Variants in CDIP1 observed in about 807,000 individuals in gnomAD.
CDIP1 encodes the protein cell death inducing p53 target 1, also known as cell death-inducing p53-target protein 1.
Under a neutral mutation model 17.7 loss-of-function variants are expected in CDIP1, and 9 were observed. The ratio of observed to expected loss-of-function variants is 0.51; its 90% CI spans 0.31 to 0.89. The LOEUF (loss-of-function observed/expected upper bound fraction) is 0.89, where lower values mean the gene tolerates loss of function less well. CDIP1 is among the 40% of genes least tolerant of loss of function. The pLI is 0.05. For synonymous variants in CDIP1, 117 were observed against 109.5 expected (o/e 1.07, Z -0.43); for missense variants, 263 against 277.9 (o/e 0.95, Z 0.38).
At chr16:4,534,632 A>G (rs772796628) in intron 1 of CDIP1, among the ~76,000 whole-genome samples, 15 of 150,664 alleles carry the variant, frequency 1.0e-4, no homozygotes, top group African/African-American at 3.2e-4. Flanking sequence ...AGGGCGGTAC[A>G]CTGCAAAGAA....
chr16:4,532,582 C>T (rs1225165536), intron 1 of CDIP1: 1 of 152,242 alleles, frequency 6.6e-6, no homozygotes, highest in East Asian at 1.9e-4. Flanking sequence ...CTTGGGAAAT[C>T]ATTTCGCCCC....
chr16:4,520,275 T>C (rs2058931768), intron 1 of CDIP1, among the ~76,000 whole-genome samples: 1 of 152,054 alleles, frequency 6.6e-6, no homozygotes, highest in South Asian at 2.1e-4. Context: ...CATCTAATTT[T>C]TGTATTTTTA....
chr16:4,525,028 G>T (rs2058985888), intron 1 of CDIP1, among the ~76,000 whole-genome samples: 1 of 152,048 alleles, frequency 6.6e-6, no homozygotes, highest in Non-Finnish European at 1.5e-5. Flanking sequence ...TCTAGCCCAG[G>T]GATTCTAGGC....
intron 1 of CDIP1, chr16:4,536,699 G>A (rs1276538346): frequency 6.6e-6 from 1 of 151,332 alleles, no homozygotes; most frequent in African/African-American, 2.4e-5. Flanking sequence ...CACTTTGGGA[G>A]GGTGAGGCAA....
intron 1 of CDIP1, among the ~76,000 whole-genome samples, chr16:4,521,960 T>C (rs754228209): frequency 6.6e-6 from 1 of 152,220 alleles, no homozygotes; most frequent in Admixed American, 6.5e-5. Flanking sequence ...TTATGCTTTA[T>C]TAGGCAACTT....
intron 1 of CDIP1, among the ~76,000 whole-genome samples, chr16:4,521,628 C>T (rs1002504501): frequency 4.7e-5 from 7 of 149,980 alleles, no homozygotes; most frequent in African/African-American, 1.5e-4. Flanking sequence ...TCGGGGAGGC[C>T]GAGACGGGAG....
At chr16:4,529,403 C>T (rs1376040661) in intron 1 of CDIP1, among the ~76,000 whole-genome samples, 1 of 152,212 alleles carries the variant, frequency 6.6e-6, no homozygotes, top group Non-Finnish European at 1.5e-5. Flanking sequence ...TCCCAACTCG[C>T]CCAGTGATCT....
intron 1 of CDIP1, among the ~76,000 whole-genome samples, chr16:4,535,034 T>C (rs902371347): frequency 1.3e-5 from 2 of 152,164 alleles, no homozygotes. Flanking sequence ...TTAATCAGAA[T>C]TGTGACAACC....
At chr16:4,529,967 G>A (rs1029836711) in intron 1 of CDIP1, among the ~76,000 whole-genome samples, 1 of 152,242 alleles carries the variant, frequency 6.6e-6, no homozygotes, top group African/African-American at 2.4e-5. Flanking sequence ...GTGGGTCGGG[G>A]TGGGATGTGG....
intron 1 of CDIP1, among the ~76,000 whole-genome samples, chr16:4,522,822 C>G (rs183769062): frequency 7.9e-5 from 12 of 152,214 alleles, no homozygotes; most frequent in African/African-American, 2.9e-4. Context: ...GAATCCCCAC[C>G]AAGGGTGCAG....
intron 1 of CDIP1, chr16:4,532,742 G>A (rs1270764926): frequency 6.6e-6 from 1 of 152,170 alleles, no homozygotes; most frequent in Admixed American, 6.6e-5. Context: ...AATTTTACTG[G>A]GGCCACAGAG....
intron 1 of CDIP1, among the ~76,000 whole-genome samples, chr16:4,520,126 T>A (rs914187076): frequency 1.3e-5 from 2 of 151,916 alleles, no homozygotes; most frequent in Non-Finnish European, 2.9e-5. Context: ...GGTTTTTTTT[T>A]TTTTTAGACA....
Position 4,538,752 on chromosome 16 carries a change from G to A in CDIP1, c.-155C>T, listed in dbSNP as rs1303120970. Reference sequence around the variant, plus strand: ...CCGCAACAGCAGGACCGAACGCCTCGGCAGCTGGCAGTCGCACTTCTGTCA... The same window carrying A: ...CCGCAACAGCAGGACCGAACGCCTCAGCAGCTGGCAGTCGCACTTCTGTCA... On this transcript the variant is annotated 5_prime_UTR_variant, in exon 1 of 6. Coordinates refer to ENST00000567695, the MANE Select transcript of CDIP1 (RefSeq NM_013399.3). The A allele has an allele frequency of 6.6e-6, 1 of 152,230 alleles. No individual in the cohort carries two copies. The highest frequency in any genetic ancestry group is 1.9e-4 in the East Asian group (1 of 5,190). 9.4% of individuals were successfully genotyped at this position (152,230 alleles called of 1,614,324 possible). A position where few individuals can be genotyped will look rare whatever the true frequency, so the allele number is the denominator to read the frequency against.
At position 4,513,120 on chromosome 16, in the gene CDIP1, A is replaced by G. The variant is rs1388419967; in HGVS notation, c.242-56T>C. ...GTCACTGGCCTGCCACCTGCACCAGACAAAGAGATTGGCGCAAAGCCCCAC... is the reference window on the plus strand; with the variant it reads ...GTCACTGGCCTGCCACCTGCACCAGGCAAAGAGATTGGCGCAAAGCCCCAC... On this transcript the variant is annotated intron_variant, in intron 4 of 5. Coordinates refer to ENST00000567695, the MANE Select transcript of CDIP1 (RefSeq NM_013399.3). This position sits in a 1 kb window ranked among gnomAD's most constrained non-coding sequence, Gnocchi z 4.1. 1.3e-6 allele frequency: 2 copies of G among 1,486,120 alleles called. No homozygotes were observed. Among genetic ancestry groups the G allele is most frequent in the Non-Finnish European group, 1.8e-6 (2 of 1,118,694 alleles). The allele number at this position is 1,486,120 out of a possible 1,614,324, so 92.1% of individuals were successfully genotyped here.
Position 4,512,089 on chromosome 16 carries a change from G to C in CDIP1, c.*483C>G, listed in dbSNP as rs1195892614. On this transcript the variant is annotated 3_prime_UTR_variant, in exon 6 of 6. Coordinates refer to ENST00000567695, the MANE Select transcript of CDIP1 (RefSeq NM_013399.3). The surrounding 1 kb of genome is among the most constrained non-coding windows in gnomAD (Gnocchi z 4.6). ...GTACCCAGAAACAAACCCAGGCTTT[G>C]TGACCCTGTCCTACGTGGGCCCACC... 6.1e-6 allele frequency: 1 copy of C among 165,142 alleles called. No individual in the cohort carries two copies. Among genetic ancestry groups the C allele is most frequent in the Non-Finnish European group, 1.3e-5 (1 of 74,838 alleles). 10.2% of individuals were successfully genotyped at this position (165,142 alleles called of 1,614,324 possible).
At chr16:4,521,155 A>G (rs569854558) in intron 1 of CDIP1, among the ~76,000 whole-genome samples, 1 of 152,220 alleles carries the variant, frequency 6.6e-6, no homozygotes, top group South Asian at 2.1e-4. Context: ...AGACCAGCAC[A>G]GTGTGGTGCC....
chr16:4,524,992 T>G (rs1327660784), intron 1 of CDIP1, among the ~76,000 whole-genome samples: 1 of 152,100 alleles, frequency 6.6e-6, no homozygotes, highest in African/African-American at 2.4e-5. Flanking sequence ...TCCCAGCTAC[T>G]TGGGAGGCTG....
At chr16:4,535,767 T>G (rs751974373) in intron 1 of CDIP1, among the ~76,000 whole-genome samples, 23 of 151,928 alleles carry the variant, frequency 1.5e-4, no homozygotes, top group Non-Finnish European at 7.4e-5. Flanking sequence ...TCTCCAAGAG[T>G]GGACAGCCCT....
chr16:4,522,704 A>G (rs1311352733), intron 1 of CDIP1, among the ~76,000 whole-genome samples: 1 of 152,240 alleles, frequency 6.6e-6, no homozygotes, highest in Non-Finnish European at 1.5e-5. Flanking sequence ...GGCCAAAGCA[A>G]GAAGTGAGCC....
Sources: gnomAD v4.1 joint callset for allele counts (sites outside exome capture counted in the v4.1 genomes callset) on GRCh38, gnomAD v4.1.1 for gene constraint, Gnocchi (gnomAD v3.1) non-coding constraint, MANE v1.5 for transcripts, NCBI Gene and HGNC (gene_info 2026-07-23, HGNC 2026-07-21) for gene names.